Variants in DLG2 observed in about 807,000 individuals in gnomAD.
DLG2 encodes disks large homolog 2.
In DLG2, 45 loss-of-function variants were observed where a neutral mutation model predicts 132.5. The ratio of observed to expected loss-of-function variants is 0.34; its 90% CI spans 0.27 to 0.44. The LOEUF (loss-of-function observed/expected upper bound fraction) is 0.44, where lower values mean the gene tolerates loss of function less well. Ranked by LOEUF, DLG2 falls within the 20% of genes least tolerant of loss-of-function variation. DLG2 has a pLI of 1.00. For missense variants in DLG2, 1,045 were observed against 1,196.9 expected (o/e 0.87, Z 1.87); for synonymous variants, 424 against 419.6 (o/e 1.01, Z -0.13).
intron 9 of DLG2, among the ~76,000 whole-genome samples, chr11:84,102,624 T>C (rs1407762875): frequency 2.6e-5 from 4 of 152,152 alleles, no homozygotes; most frequent in Admixed American, 6.6e-5. Context: ...CAGGAGGTAT[T>C]TGGCTAGTCA....
chr11:85,208,974 A>G (rs927860635), intron 4 of DLG2, among the ~76,000 whole-genome samples: 1 of 152,136 alleles, frequency 6.6e-6, no homozygotes. Context: ...CCCTCCCGCA[A>G]TATGTAAGTC....
chr11:85,590,594 G>C (rs1591087003), intron 3 of DLG2, among the ~76,000 whole-genome samples: 1 of 150,876 alleles, frequency 6.6e-6, no homozygotes, highest in South Asian at 2.1e-4. Flanking sequence ...ATCTTGAAAG[G>C]GCTTATTCCT....
chr11:85,617,995 C>T lies in DLG2; in HGVS notation c.-93+8592G>A, dbSNP rs536827511. On this transcript the variant is annotated intron_variant, in intron 2 of 27. Transcript: ENST00000376104. ...TATACCATTCCTCTTGATCTTAAAT[C>T]CTAAAATAAAGGAGGTCAGGAGAAT... Among the ~76,000 whole-genome samples, 5 of 152,200 alleles carry T rather than the reference C, an allele frequency of 3.3e-5. No individual in the cohort carries two copies. The South Asian group carries it at 1.0e-3, about 32-fold the overall frequency.
At chr11:83,954,792 A>G (rs1236820060) in intron 14 of DLG2, among the ~76,000 whole-genome samples, 1 of 152,236 alleles carries the variant, frequency 6.6e-6, no homozygotes, top group African/African-American at 2.4e-5. Context: ...AGTTTATACC[A>G]TATTTGCTTC....
chr11:84,764,677 T>C (rs900540113), intron 6 of DLG2, among the ~76,000 whole-genome samples: 1 of 152,112 alleles, frequency 6.6e-6, no homozygotes, highest in Non-Finnish European at 1.5e-5. Context: ...ATATATGGTA[T>C]ATATATGCAT....
chr11:84,770,616 C>T lies in DLG2; in HGVS notation c.358-235885G>A, dbSNP rs900558892. Among the ~76,000 whole-genome samples the T allele has an allele frequency of 6.6e-5, 10 of 151,078 alleles. No homozygotes were observed. In the East Asian group the frequency reaches 1.6e-3, roughly 24 times the overall value. ...GGATAATGGCCTCCAACTGCATCCA[C>T]GTTGCTGTAAAGGATATGATTTCAT... On this transcript the variant is annotated intron_variant, in intron 6 of 27. Transcript: ENST00000376104.
chr11:84,088,599 T>C (rs1668743795), intron 10 of DLG2, among the ~76,000 whole-genome samples: 1 of 152,172 alleles, frequency 6.6e-6, no homozygotes, highest in South Asian at 2.1e-4. Flanking sequence ...TAATACTAAA[T>C]TGTTGGGGAC....
Position 85,091,773 on chromosome 11 carries a change from C to T in DLG2, c.357+19888G>A, listed in dbSNP as rs998736492. Among the ~76,000 whole-genome samples the T allele has an allele frequency of 6.6e-5, 10 of 152,354 alleles. 1 individual carries two copies. Among genetic ancestry groups the T allele is most frequent in the Admixed American group, 3.9e-4 (6 of 15,304 alleles). On this transcript the variant is annotated intron_variant, in intron 6 of 27. Coordinates refer to ENST00000376104, the MANE Select transcript of DLG2 (RefSeq NM_001142699.3). ...TGAGATTGCAGCAATTCAATCACAT[C>T]TTTAGGCACCACTTCTTAGTCTAGT...
intron 7 of DLG2, among the ~76,000 whole-genome samples, chr11:84,528,026 A>C (rs988886725): frequency 6.6e-6 from 1 of 151,978 alleles, no homozygotes; most frequent in African/African-American, 2.4e-5. Context: ...TCGGAATAAT[A>C]ATAAGTAACA....
At chr11:85,609,695 G>T (rs767829614) in intron 2 of DLG2, among the ~76,000 whole-genome samples, 1 of 152,058 alleles carries the variant, frequency 6.6e-6, no homozygotes, top group Non-Finnish European at 1.5e-5. Flanking sequence ...GGGTGCCTGG[G>T]GCAAGCACCA....
At chr11:83,513,396 T>C (rs1419566542) in intron 21 of DLG2, among the ~76,000 whole-genome samples, 2 of 152,238 alleles carry the variant, frequency 1.3e-5, no homozygotes, top group Non-Finnish European at 2.9e-5. Context: ...TCTTGTAAAT[T>C]TGTTGGAGTT....
intron 21 of DLG2, among the ~76,000 whole-genome samples, chr11:83,517,366 C>T (rs1385245734): frequency 6.6e-6 from 1 of 152,222 alleles, no homozygotes; most frequent in East Asian, 1.9e-4. Context: ...TGGTTTTCAG[C>T]TCCGTCAGGT....
At chr11:84,775,553 T>TG (rs970104837) in intron 6 of DLG2, among the ~76,000 whole-genome samples, 2 of 151,852 alleles carry the variant, frequency 1.3e-5, no homozygotes, top group African/African-American at 4.8e-5. Context: ...ATAAAGAAAA[T>TG]GGGGTACATA....
chr11:83,716,383 A>G (rs1052395930), intron 18 of DLG2, among the ~76,000 whole-genome samples: 4 of 152,130 alleles, frequency 2.6e-5, no homozygotes, highest in African/African-American at 4.8e-5. Flanking sequence ...GGCTTTTCCT[A>G]CTTAACCAGT....
chr11:84,655,065 T>C (rs1434636597), intron 6 of DLG2, among the ~76,000 whole-genome samples: 1 of 152,188 alleles, frequency 6.6e-6, no homozygotes, highest in Non-Finnish European at 1.5e-5. Flanking sequence ...CCATGTGTAA[T>C]GTGTAGATAA....
In DLG2 at chr11:83,752,034, C is replaced by T. The variant is rs566056307; in HGVS notation, c.1825+34656G>A. Among the ~76,000 whole-genome samples the T allele has an allele frequency of 1.1e-4, 17 of 152,254 alleles. No individual in the cohort carries two copies. In the East Asian group the frequency reaches 3.3e-3, roughly 30 times the overall value. ...CTGTAATCCCAGCACTTCGGGAGGC[C>T]GAGGCAGGTGGATCACGAGGTCAGG... is the stretch of plus-strand genomic sequence containing the variant. On this transcript the variant is annotated intron_variant, in intron 18 of 27. Coordinates refer to ENST00000376104, the MANE Select transcript of DLG2 (RefSeq NM_001142699.3).
At chr11:84,908,504 C>T (rs2154075977) in intron 6 of DLG2, among the ~76,000 whole-genome samples, 1 of 152,180 alleles carries the variant, frequency 6.6e-6, no homozygotes, top group East Asian at 1.9e-4. Flanking sequence ...ATTTCTCTTC[C>T]ACATGAGGGT....
intron 6 of DLG2, among the ~76,000 whole-genome samples, chr11:84,634,651 G>C (rs1488326873): frequency 6.6e-6 from 1 of 152,186 alleles, no homozygotes; most frequent in Non-Finnish European, 1.5e-5. Context: ...GGGACTGTTT[G>C]ATTTATGAAT....
intron 3 of DLG2, among the ~76,000 whole-genome samples, chr11:85,554,398 G>A (rs1217992714): frequency 6.6e-6 from 1 of 151,834 alleles, no homozygotes; most frequent in East Asian, 1.9e-4. Context: ...GACAGGCTGG[G>A]CAAGTTGCTG....
Sources: gnomAD v4.1 joint callset for allele counts (sites outside exome capture counted in the v4.1 genomes callset) on GRCh38, gnomAD v4.1.1 for gene constraint, MANE v1.5 for transcripts, NCBI Gene and HGNC (gene_info 2026-07-23, HGNC 2026-07-21) for gene names.